PMPCB: variants seen among roughly 807,000 people sequenced by gnomAD.
The protein encoded by PMPCB is mitochondrial-processing peptidase subunit beta.
Under a neutral mutation model 61.5 loss-of-function variants are expected in PMPCB, and 46 were observed. The observed-to-expected ratio is 0.75, with a 90% CI of 0.59 to 0.96. The LOEUF (loss-of-function observed/expected upper bound fraction) is 0.96, where lower values mean the gene tolerates loss of function less well. Ranked by LOEUF, PMPCB falls within the 40% of genes least tolerant of loss-of-function variation. The pLI, the probability that PMPCB is intolerant of heterozygous loss-of-function variation, is 0.00. For missense variants in PMPCB, 590 were observed against 602.4 expected (o/e 0.98, Z 0.22); for synonymous variants, 191 against 201.6 (o/e 0.95, Z 0.44).
chr7:103,344,754 T>C, the PMPCB span: 1 of 890,290 alleles, frequency 1.1e-6, no homozygotes, highest in Non-Finnish European at 1.8e-6. Context: ...AACCGGCGCA[T>C]GGAGACGACC....
chr7:103,313,650 T>C lies in PMPCB; in HGVS notation c.*1379T>C, dbSNP rs181757757. 2.0e-6 allele frequency: 2 copies of C among 985,404 alleles called. No individual in the cohort carries two copies. The highest frequency in any genetic ancestry group is 2.3e-4 in the East Asian group (2 of 8,812). 61.0% of individuals were successfully genotyped at this position (985,404 alleles called of 1,614,324 possible). On this transcript the variant is annotated 3_prime_UTR_variant, in exon 13 of 13. Transcript: ENST00000249269. ...AAGCTGAGATTAGATTGTGTTGTAG[T>C]GTGGTGTTCTCTTCGTCACATCTGC...
chr7:103,307,777 C>T (rs1817628761), intron 7 of PMPCB, 69 bp downstream of exon 7: 2 of 814,266 alleles, frequency 2.5e-6, no homozygotes, highest in African/African-American at 1.7e-5. Flanking sequence ...CATAAGTAAA[C>T]AAAATGTGCA....
At chr7:103,320,627 C>A (rs1424258909) in intron 12 of PMPCB, among the ~76,000 whole-genome samples, 1 of 150,810 alleles carries the variant, frequency 6.6e-6, no homozygotes, top group Non-Finnish European at 1.5e-5. Flanking sequence ...GGGCGTGGTC[C>A]CAGCTACTCG....
At chr7:103,344,855 T>C in the PMPCB span, 1 of 588,558 alleles carries the variant, frequency 1.7e-6, no homozygotes, top group Non-Finnish European at 3.0e-6. Flanking sequence ...CCTAGTTCTA[T>C]ACTGACTGAG....
chr7:103,298,997 C>T (rs1301197690), intron 2 of PMPCB, among the ~76,000 whole-genome samples: 1 of 152,126 alleles, frequency 6.6e-6, no homozygotes, highest in Non-Finnish European at 1.5e-5. Context: ...GCTACTCTGC[C>T]AAGTGTTTTT....
At position 103,312,457 on chromosome 7, in the gene PMPCB, T is replaced by C. The variant is rs1245066002; in HGVS notation, c.*186T>C. 6.5e-7 allele frequency: 1 copy of C among 1,530,046 alleles called. No homozygotes were observed. The highest frequency in any genetic ancestry group is 8.7e-7 in the Non-Finnish European group (1 of 1,146,706). 94.8% of individuals were successfully genotyped at this position (1,530,046 alleles called of 1,614,324 possible). A position where few individuals can be genotyped will look rare whatever the true frequency, so the allele number is the denominator to read the frequency against. The stretch of plus-strand genomic sequence containing the variant: ...TGGTCAGTCTTTGTTCTCTGAGAAA[T>C]TATGTTGGAAGCAGCATACTTTCAA... On this transcript the variant is annotated 3_prime_UTR_variant, in exon 13 of 13. Coordinates refer to ENST00000249269, the MANE Select transcript of PMPCB (RefSeq NM_004279.3).
Position 103,310,393 on chromosome 7 carries a change from A to ACAG in PMPCB, c.1073_1075dup (p.Thr358_Asp359insAla), listed in dbSNP as rs1817704658. 1.2e-6 allele frequency: 2 copies of ACAG among 1,612,550 alleles called. No homozygotes were observed. Among genetic ancestry groups the ACAG allele is most frequent in the African/African-American group, 2.7e-5 (2 of 74,844 alleles). ...CTTTCAGTCTTTCAACACTTCCTAC[A>ACAG]CAGATACAGGATTATGGGGACTGTA... On this transcript the variant is annotated inframe_insertion, in exon 9 of 13. Coordinates refer to ENST00000249269, the MANE Select transcript of PMPCB (RefSeq NM_004279.3).
At chr7:103,306,439 A>G (rs568108139) in intron 6 of PMPCB, among the ~76,000 whole-genome samples, 3 of 150,914 alleles carry the variant, frequency 2.0e-5, no homozygotes, top group Admixed American at 1.3e-4. Context: ...CTGGAGTACA[A>G]TGGCATCATC....
At chr7:103,300,761 T>A (rs899956320) in intron 4 of PMPCB, among the ~76,000 whole-genome samples, 4 of 151,616 alleles carry the variant, frequency 2.6e-5, no homozygotes, top group Admixed American at 1.3e-4. Context: ...CTCGGCTCGC[T>A]GCAACCTCTG....
the PMPCB span, among the ~76,000 whole-genome samples, chr7:103,338,752 A>C: frequency 1.1e-3 from 162 of 152,008 alleles, no homozygotes; most frequent in Non-Finnish European, 1.9e-3. Context: ...TCTACTAAAA[A>C]TACAAAAATT....
the PMPCB span, among the ~76,000 whole-genome samples, chr7:103,340,831 T>C: frequency 1.3e-5 from 2 of 152,230 alleles, no homozygotes; most frequent in Admixed American, 6.5e-5. Flanking sequence ...TTTGGAGTCA[T>C]AGACCAATTT....
In PMPCB at chr7:103,300,097, C is replaced by A. The variant is rs1258051628; in HGVS notation, c.328-81C>A. ...GACCCTGCATGAAACTAACTTATGT[C>A]CTCCATATTCATTATCTGAAGTAGA... On this transcript the variant is annotated intron_variant, in intron 3 of 12. Coordinates refer to ENST00000249269, the MANE Select transcript of PMPCB (RefSeq NM_004279.3). The A allele has an allele frequency of 5.2e-6, 7 of 1,334,872 alleles. No individual in the cohort carries two copies. In the Admixed American group the frequency reaches 1.4e-4, roughly 27 times the overall value. 82.7% of individuals were successfully genotyped at this position (1,334,872 alleles called of 1,614,324 possible).
intron 6 of PMPCB, among the ~76,000 whole-genome samples, chr7:103,306,381 T>C (rs1817591664): frequency 6.8e-6 from 1 of 148,116 alleles, no homozygotes; most frequent in Non-Finnish European, 1.5e-5. Flanking sequence ...GTTCCTGAGT[T>C]CTTTTTTTTT....
At chr7:103,344,785 A>T in the PMPCB span, 1 of 677,770 alleles carries the variant, frequency 1.5e-6, no homozygotes. Context: ...TCCGGGATGG[A>T]TCTTTCGTGG....
Position 103,313,193 on chromosome 7 carries a change from C to A in PMPCB, c.*922C>A. 1 of 1,471,654 alleles carries A rather than the reference C, an allele frequency of 6.8e-7. No individual in the cohort carries two copies. Among genetic ancestry groups the A allele is most frequent in the African/African-American group, 1.4e-5 (1 of 69,936 alleles). The allele number at this position is 1,471,654 out of a possible 1,614,324, so 91.2% of individuals were successfully genotyped here. A position where few individuals can be genotyped will look rare whatever the true frequency, so the allele number is the denominator to read the frequency against. On this transcript the variant is annotated 3_prime_UTR_variant, in exon 13 of 13. Transcript: ENST00000249269. ...ACAAGTATTCGCTAAGTGCCCATTT[C>A]AATCTGGGATGTGTCATTTTGAAAA...
chr7:103,313,708 A>C lies in PMPCB; in HGVS notation c.*1437A>C. On this transcript the variant is annotated 3_prime_UTR_variant, in exon 13 of 13. Coordinates refer to ENST00000249269, the MANE Select transcript of PMPCB (RefSeq NM_004279.3). Reference sequence around the variant, plus strand: ...TTGGGAGCCGATGCTGAACACTTCCAATAACTGCTATTGTGGTTCTTCAAC... The same window carrying C: ...TTGGGAGCCGATGCTGAACACTTCCCATAACTGCTATTGTGGTTCTTCAAC... 6.1e-6 allele frequency: 6 copies of C among 985,426 alleles called. No homozygotes were observed. Among genetic ancestry groups the C allele is most frequent in the Non-Finnish European group, 7.2e-6 (6 of 829,906 alleles). The allele number at this position is 985,426 out of a possible 1,614,324, so 61.0% of individuals were successfully genotyped here.
intron 4 of PMPCB, among the ~76,000 whole-genome samples, chr7:103,301,940 A>G (rs1339002166): frequency 6.6e-6 from 1 of 151,996 alleles, no homozygotes; most frequent in African/African-American, 2.4e-5. Context: ...TCCTAACGCT[A>G]TCCCTCCCTG....
rs1279926644 is a variant in PMPCB at position 103,312,211 on chromosome 7, C to T, written c.1410C>T (p.Pro470=). ...ACTCTTCTTTTTAATCCTTAGGTCCCATTAAGCAACTACCAGATTTTAAAC... is the reference window on the plus strand; with the variant it reads ...ACTCTTCTTTTTAATCCTTAGGTCCTATTAAGCAACTACCAGATTTTAAAC... ...NRSPAIAAVG[P]IKQLPDFKQI... is the part of the protein sequence containing the mutation. Residue 470 remains proline (P), a synonymous_variant, in exon 13 of 13, where the codon CCC becomes CCT. Transcript: ENST00000249269. The T allele has an allele frequency of 1.2e-6, 2 of 1,613,612 alleles. No individual in the cohort carries two copies. The highest frequency in any genetic ancestry group is 1.7e-6 in the Non-Finnish European group (2 of 1,179,890).
chr7:103,303,026 A>C (rs74533054), intron 4 of PMPCB, among the ~76,000 whole-genome samples: 1,952 of 152,314 alleles, frequency 0.013, 24 homozygotes, highest in Non-Finnish European at 0.023. Flanking sequence ...TTTTCTGATA[A>C]AATTGCTTAA....
Sources: allele counts gnomAD v4.1 joint callset (sites outside exome capture counted in the v4.1 genomes callset), GRCh38; gene constraint gnomAD v4.1.1; transcripts MANE v1.5; gene names NCBI Gene and HGNC (gene_info 2026-07-23, HGNC 2026-07-21).